The following HS6ST3 variants were observed in gnomAD, a reference collection of about 807,000 sequenced individuals.
HS6ST3 encodes heparan-sulfate 6-O-sulfotransferase 3.
A neutral mutation model predicts 36.7 loss-of-function variants in HS6ST3; 12 were observed. The ratio of observed to expected loss-of-function variants is 0.33; its 90% CI spans 0.21 to 0.53. The LOEUF (loss-of-function observed/expected upper bound fraction) is 0.53, where lower values mean the gene tolerates loss of function less well. Ranked by LOEUF, HS6ST3 falls within the 20% of genes least tolerant of loss-of-function variation. HS6ST3 has a pLI of 0.95. For missense variants in HS6ST3, 584 were observed against 640.9 expected, an observed-to-expected ratio of 0.91 and a Z score of 0.96; for synonymous variants, 240 against 257.5, an observed-to-expected ratio of 0.93 and a Z score of 0.65.
At chr13:96,119,926 G>A (rs1363533442) in intron 1 of HS6ST3, among the ~76,000 whole-genome samples, 1 of 151,526 alleles carries the variant, frequency 6.6e-6, no homozygotes, top group African/African-American at 2.4e-5. Context: ...TATTCAGGAT[G>A]GAATTGTGTC....
At chr13:96,637,611 G>A (rs1437073361) in intron 1 of HS6ST3, among the ~76,000 whole-genome samples, 1 of 152,026 alleles carries the variant, frequency 6.6e-6, no homozygotes, top group African/African-American at 2.4e-5. Flanking sequence ...ATAATTAAGA[G>A]CAAGGCCTTA....
intron 1 of HS6ST3, among the ~76,000 whole-genome samples, chr13:96,561,625 A>G (rs2056262605): frequency 6.6e-6 from 1 of 152,132 alleles, no homozygotes; most frequent in Admixed American, 6.5e-5. Context: ...AAAAACACTG[A>G]GAAACTATGC....
At chr13:96,686,811 G>T (rs1420670397) in intron 1 of HS6ST3, among the ~76,000 whole-genome samples, 1 of 151,936 alleles carries the variant, frequency 6.6e-6, no homozygotes, top group Non-Finnish European at 1.5e-5. Flanking sequence ...ACATAACATT[G>T]GTGTGAGGGA....
chr13:96,719,018 T>C (rs1353256723), intron 1 of HS6ST3, among the ~76,000 whole-genome samples: 1 of 152,212 alleles, frequency 6.6e-6, no homozygotes, highest in African/African-American at 2.4e-5. Context: ...CTGACGCCTG[T>C]AATCCCAGCA....
intron 1 of HS6ST3, among the ~76,000 whole-genome samples, chr13:96,099,095 C>A (rs1457627586): frequency 6.6e-6 from 1 of 152,100 alleles, no homozygotes; most frequent in African/African-American, 2.4e-5. Flanking sequence ...AGGCGCCCAC[C>A]ACCATGCCCG....
Position 96,332,834 on chromosome 13 carries a change from A to C in HS6ST3, c.707+241265A>C, listed in dbSNP as rs560145689. On this transcript the variant is annotated intron_variant, in intron 1 of 1. Coordinates refer to ENST00000376705, the MANE Select transcript of HS6ST3 (RefSeq NM_153456.4). ...GTCCTGGATATTTGTATCTCCCCCA[A>C]ATTCATATGTTGAAAGTTAATCACC... Among the ~76,000 whole-genome samples the C allele has an allele frequency of 2.0e-5, 3 of 152,194 alleles. No individual in the cohort carries two copies. The South Asian group carries it at 6.2e-4, about 31-fold the overall frequency.
intron 1 of HS6ST3, among the ~76,000 whole-genome samples, chr13:96,498,450 T>G (rs1320146392): frequency 6.6e-6 from 1 of 152,150 alleles, no homozygotes; most frequent in East Asian, 1.9e-4. Context: ...TCTGGGCCTC[T>G]TTAGGATGGC....
chr13:96,540,127 A>C (rs2056172185), intron 1 of HS6ST3, among the ~76,000 whole-genome samples: 1 of 152,214 alleles, frequency 6.6e-6, no homozygotes, highest in Non-Finnish European at 1.5e-5. Flanking sequence ...AGATTACCAG[A>C]TAAAGTTTTG....
At chr13:96,225,180 A>G (rs1365365255) in intron 1 of HS6ST3, among the ~76,000 whole-genome samples, 1 of 152,250 alleles carries the variant, frequency 6.6e-6, no homozygotes, top group Non-Finnish European at 1.5e-5. Context: ...AGGTTTACCC[A>G]TATGCGAAGT....
intron 1 of HS6ST3, among the ~76,000 whole-genome samples, chr13:96,526,606 C>T (rs143380590): frequency 1.5e-4 from 23 of 152,280 alleles, no homozygotes; most frequent in African/African-American, 4.6e-4. Flanking sequence ...GAAGCTATGA[C>T]GGAATGTTCT....
At chr13:96,255,655 G>A (rs1400093605) in intron 1 of HS6ST3, among the ~76,000 whole-genome samples, 1 of 152,120 alleles carries the variant, frequency 6.6e-6, no homozygotes, top group Non-Finnish European at 1.5e-5. Flanking sequence ...GGACTTTCAT[G>A]GAGACTTACC....
chr13:96,831,434 G>C (rs1419148590), intron 1 of HS6ST3, among the ~76,000 whole-genome samples: 1 of 152,124 alleles, frequency 6.6e-6, no homozygotes, highest in Non-Finnish European at 1.5e-5. Flanking sequence ...GTATTAACTT[G>C]CTCCAGTGTC....
At chr13:96,217,277 A>G (rs1298136417) in intron 1 of HS6ST3, among the ~76,000 whole-genome samples, 1 of 152,172 alleles carries the variant, frequency 6.6e-6, no homozygotes, top group Non-Finnish European at 1.5e-5. Context: ...ATTCTTCCCC[A>G]ACTTGAAGAG....
chr13:96,783,353 G>A (rs1265220148), intron 1 of HS6ST3, among the ~76,000 whole-genome samples: 1 of 152,094 alleles, frequency 6.6e-6, no homozygotes. Flanking sequence ...CTAAACATCA[G>A]GAGGCTGGCT....
chr13:96,776,648 G>A (rs1027262371), intron 1 of HS6ST3, among the ~76,000 whole-genome samples: 1 of 152,148 alleles, frequency 6.6e-6, no homozygotes, highest in Non-Finnish European at 1.5e-5. Flanking sequence ...CCAGGAAGAA[G>A]TCGAATCCCT....
At chr13:96,200,884 T>A (rs536848644) in intron 1 of HS6ST3, among the ~76,000 whole-genome samples, 1 of 152,346 alleles carries the variant, frequency 6.6e-6, no homozygotes, top group African/African-American at 2.4e-5. Flanking sequence ...ATTCCTAGCC[T>A]GATCCCACCA....
At chr13:96,264,137 ATTTTT>A (rs954216197) in intron 1 of HS6ST3, among the ~76,000 whole-genome samples, 1 of 150,748 alleles carries the variant, frequency 6.6e-6, no homozygotes, top group Admixed American at 6.6e-5. Flanking sequence ...CATGCCTATG[ATTTTT>A]TTTTTCTGTT....
chr13:96,821,624 A>G (rs893844161), intron 1 of HS6ST3, among the ~76,000 whole-genome samples: 1 of 152,262 alleles, frequency 6.6e-6, no homozygotes, highest in South Asian at 2.1e-4. Context: ...TTCACTGCAC[A>G]TGGAACATTC....
chr13:96,817,622 G>A (rs920339203), intron 1 of HS6ST3, among the ~76,000 whole-genome samples: 4 of 152,114 alleles, frequency 2.6e-5, no homozygotes, highest in Non-Finnish European at 5.9e-5. Context: ...TTGTTGATGG[G>A]TCTTCCCCTC....
Sources: allele counts gnomAD v4.1 joint callset (sites outside exome capture counted in the v4.1 genomes callset), GRCh38; gene constraint gnomAD v4.1.1; transcripts MANE v1.5; gene names NCBI Gene and HGNC (gene_info 2026-07-23, HGNC 2026-07-21).